The following KCNA2 variants were observed in gnomAD, a reference collection of about 807,000 sequenced individuals.
KCNA2 encodes potassium channel, voltage gated shaker related subfamily A, member 2.
A neutral mutation model predicts 33.4 loss-of-function variants in KCNA2; 11 were observed. The ratio of observed to expected loss-of-function variants is 0.33; its 90% confidence interval spans 0.21 to 0.55. The LOEUF is 0.55. Ranked by LOEUF, KCNA2 falls within the 20% of genes least tolerant of loss-of-function variation. The probability of loss-of-function intolerance (pLI) is 0.93; values close to 1 mark genes in which losing one functional copy is unlikely to be tolerated. For synonymous variants in KCNA2, 222 were observed against 231.3 expected (o/e 0.96, Z 0.37); for missense variants, 291 against 621.6 (o/e 0.47, Z 5.66).
intron 1 of KCNA2, among the ~76,000 whole-genome samples, chr1:110,616,626 T>G (rs898451635): frequency 1.3e-5 from 2 of 152,124 alleles, no homozygotes; most frequent in Non-Finnish European, 2.9e-5. Flanking sequence ...GAAGGATAAT[T>G]CCTAACAGAG....
In KCNA2 at chr1:110,598,825, T is replaced by C. The variant is rs186893471; in HGVS notation, c.*4458A>G. 1.1e-5 allele frequency: 11 copies of C among 985,316 alleles called. No individual in the cohort carries two copies. The South Asian group carries it at 2.3e-4, about 21-fold the overall frequency. 61.0% of individuals were successfully genotyped at this position (985,316 alleles called of 1,614,324 possible). A position where few individuals can be genotyped will look rare whatever the true frequency, so the allele number is the denominator to read the frequency against. ...AGAAAGCACAGAGCCTTAATTATTT[T>C]CTTAATTAAATGTTGGCTCCTAAAA... On this transcript the variant is annotated 3_prime_UTR_variant, in exon 3 of 3. Transcript: ENST00000316361.
At position 110,600,089 on chromosome 1, in the gene KCNA2, G is replaced by A. The variant is rs1226635310; in HGVS notation, c.*3194C>T. ...GAAAGAGATTCCTTGAAAGATCCTG[G>A]GGGATATAGACACAGGCCAGGCAAA... On this transcript the variant is annotated 3_prime_UTR_variant, in exon 3 of 3. Coordinates refer to ENST00000316361, the MANE Select transcript of KCNA2 (RefSeq NM_004974.4). The A allele has an allele frequency of 1.0e-6, 1 of 984,926 alleles. No homozygotes were observed. Among genetic ancestry groups the A allele is most frequent in the Non-Finnish European group, 1.2e-6 (1 of 829,868 alleles). The allele number at this position is 984,926 out of a possible 1,614,324, so 61.0% of individuals were successfully genotyped here. A position where few individuals can be genotyped will look rare whatever the true frequency, so the allele number is the denominator to read the frequency against.
In KCNA2 at chr1:110,601,426, T is replaced by C; in HGVS notation, c.*1857A>G. The C allele has an allele frequency of 1.0e-6, 1 of 985,358 alleles. No individual in the cohort carries two copies. The highest frequency in any genetic ancestry group is 1.2e-6 in the Non-Finnish European group (1 of 829,954). 61.0% of individuals were successfully genotyped at this position (985,358 alleles called of 1,614,324 possible). A position where few individuals can be genotyped will look rare whatever the true frequency, so the allele number is the denominator to read the frequency against. On this transcript the variant is annotated 3_prime_UTR_variant, in exon 3 of 3. Transcript: ENST00000316361. ...TGACGGATGCAGAGCCAAATGATAA[T>C]AAGATCCAAGTGGCAAGGGAAGAGG...
At chr1:110,610,446 G>T (rs1649827314), upstream of KCNA2, among the ~76,000 whole-genome samples, 1 of 152,200 alleles carries the variant, frequency 6.6e-6, no homozygotes, top group African/African-American at 2.4e-5. Context: ...TCACAGGTAG[G>T]CAGGGCAGGA....
intron 1 of KCNA2, among the ~76,000 whole-genome samples, chr1:110,630,037 C>T (rs111537466): frequency 0.087 from 9,276 of 106,344 alleles, 371 homozygotes; most frequent in Middle Eastern, 0.21. Context: ...TTTTTTGAGA[C>T]GGAGTTTTGC....
chr1:110,601,932 A>G lies in KCNA2; in HGVS notation c.*1351T>C. On this transcript the variant is annotated 3_prime_UTR_variant, in exon 3 of 3. Coordinates refer to ENST00000316361, the MANE Select transcript of KCNA2 (RefSeq NM_004974.4). ...TCAAAAATATTGCATAAGCTTGTACAATGTTCAAATGCAATTTCTTTTCTA... is the reference window on the plus strand; with the variant it reads ...TCAAAAATATTGCATAAGCTTGTACGATGTTCAAATGCAATTTCTTTTCTA... The G allele has an allele frequency of 6.7e-7, 1 of 1,487,992 alleles. No individual in the cohort carries two copies. The highest frequency in any genetic ancestry group is 2.2e-5 in the Admixed American group (1 of 45,060). 92.2% of individuals were successfully genotyped at this position (1,487,992 alleles called of 1,614,324 possible). A position where few individuals can be genotyped will look rare whatever the true frequency, so the allele number is the denominator to read the frequency against.
chr1:110,603,130 A>C lies in KCNA2; in HGVS notation c.*153T>G. Reference sequence around the variant, plus strand: ...GCCATGATAGATATTCTGTGTTCTAAATCAAAAGTCAAAAGATCAAAAGTC... The same window carrying C: ...GCCATGATAGATATTCTGTGTTCTACATCAAAAGTCAAAAGATCAAAAGTC... On this transcript the variant is annotated 3_prime_UTR_variant, in exon 3 of 3. Transcript: ENST00000316361. This position sits in a 1 kb window ranked among gnomAD's most constrained non-coding sequence, Gnocchi z 5.7. The C allele has an allele frequency of 6.9e-7, 1 of 1,440,692 alleles. No homozygotes were observed. Among genetic ancestry groups the C allele is most frequent in the Non-Finnish European group, 9.1e-7 (1 of 1,102,010 alleles). The allele number at this position is 1,440,692 out of a possible 1,614,324, so 89.2% of individuals were successfully genotyped here.
chr1:110,601,536 C>G lies in KCNA2; in HGVS notation c.*1747G>C, dbSNP rs1649343617. The G allele has an allele frequency of 1.0e-6, 1 of 986,498 alleles. No individual in the cohort carries two copies. The highest frequency in any genetic ancestry group is 1.7e-5 in the African/African-American group (1 of 57,278). The allele number at this position is 986,498 out of a possible 1,614,324, so 61.1% of individuals were successfully genotyped here. A position where few individuals can be genotyped will look rare whatever the true frequency, so the allele number is the denominator to read the frequency against. Reference sequence around the variant, plus strand: ...CCAGGACAGCTGGAACTGTGAGGGCCACAGGGCCCTTGTGCACTCAGTAAG... The same window carrying G: ...CCAGGACAGCTGGAACTGTGAGGGCGACAGGGCCCTTGTGCACTCAGTAAG... On this transcript the variant is annotated 3_prime_UTR_variant, in exon 3 of 3. Coordinates refer to ENST00000316361, the MANE Select transcript of KCNA2 (RefSeq NM_004974.4).
Position 110,603,190 on chromosome 1 carries a change from A to G in KCNA2, c.*93T>C. ...ACTATTGCTTTCCATGCAGAACCAG[A>G]TACACACTGTAGAACACACTGACTA... On this transcript the variant is annotated 3_prime_UTR_variant, in exon 3 of 3. Transcript: ENST00000316361. This position sits in a 1 kb window ranked among gnomAD's most constrained non-coding sequence, Gnocchi z 5.7. 1 of 1,513,512 alleles carries G rather than the reference A, an allele frequency of 6.6e-7. No individual in the cohort carries two copies. The highest frequency in any genetic ancestry group is 8.8e-7 in the Non-Finnish European group (1 of 1,134,768). The allele number at this position is 1,513,512 out of a possible 1,614,324, so 93.8% of individuals were successfully genotyped here.
rs1472806754 is a variant in KCNA2 at position 110,602,328 on chromosome 1, A to G, written c.*955T>C. ...TTCCAAGCCTATTAATACTCTAAAT[A>G]TTAACACTGTGTAGGCTACTAGGAA... On this transcript the variant is annotated 3_prime_UTR_variant, in exon 3 of 3. Coordinates refer to ENST00000316361, the MANE Select transcript of KCNA2 (RefSeq NM_004974.4). 6.9e-7 allele frequency: 1 copy of G among 1,439,102 alleles called. No homozygotes were observed. The highest frequency in any genetic ancestry group is 9.1e-7 in the Non-Finnish European group (1 of 1,102,492). 89.1% of individuals were successfully genotyped at this position (1,439,102 alleles called of 1,614,324 possible). A position where few individuals can be genotyped will look rare whatever the true frequency, so the allele number is the denominator to read the frequency against.
chr1:110,605,053 T>TCAC, intron 2 of KCNA2, 108 bp from the exon 3 acceptor site: 1 of 487,196 alleles, frequency 2.1e-6, no homozygotes, highest in South Asian at 3.4e-5. Context: ...AGACACATGA[T>TCAC]CACCACCACC....
In KCNA2 at chr1:110,599,943, A is replaced by G; in HGVS notation, c.*3340T>C. ...TGGTGGGAGGAAGGTGAATTGGTAG[A>G]GACCCCATGCAATTCCTGGTCTTAG... On this transcript the variant is annotated 3_prime_UTR_variant, in exon 3 of 3. Coordinates refer to ENST00000316361, the MANE Select transcript of KCNA2 (RefSeq NM_004974.4). 5.1e-6 allele frequency: 5 copies of G among 985,396 alleles called. No individual in the cohort carries two copies. The highest frequency in any genetic ancestry group is 6.0e-6 in the Non-Finnish European group (5 of 829,940). The allele number at this position is 985,396 out of a possible 1,614,324, so 61.0% of individuals were successfully genotyped here. A position where few individuals can be genotyped will look rare whatever the true frequency, so the allele number is the denominator to read the frequency against.
In KCNA2 at chr1:110,593,788, A is replaced by C; in HGVS notation, c.*9495T>G. On this transcript the variant is annotated 3_prime_UTR_variant, in exon 3 of 3. Coordinates refer to ENST00000316361, the MANE Select transcript of KCNA2 (RefSeq NM_004974.4). The stretch of plus-strand genomic sequence containing the variant: ...ACATATATGTATAACCTATGTACAA[A>C]TATCAGACCCTACTGACACAGGAAC... The C allele has an allele frequency of 7.1e-7, 1 of 1,412,426 alleles. No homozygotes were observed. Among genetic ancestry groups the C allele is most frequent in the Non-Finnish European group, 9.7e-7 (1 of 1,034,316 alleles). 87.5% of individuals were successfully genotyped at this position (1,412,426 alleles called of 1,614,324 possible).
intron 1 of KCNA2, among the ~76,000 whole-genome samples, chr1:110,624,644 C>A (rs2101466103): frequency 6.6e-6 from 1 of 152,294 alleles, no homozygotes; most frequent in South Asian, 2.1e-4. Context: ...TACACAATAA[C>A]AACAACTACT....
intron 1 of KCNA2, among the ~76,000 whole-genome samples, chr1:110,614,721 T>G (rs1391791989): frequency 6.6e-6 from 1 of 152,214 alleles, no homozygotes; most frequent in African/African-American, 2.4e-5. Context: ...CTTAAGCAGA[T>G]GAATGCATAT....
rs1360066050 is a variant in KCNA2 at position 110,598,500 on chromosome 1, G to C, written c.*4783C>G. 2.0e-6 allele frequency: 2 copies of C among 985,232 alleles called. No individual in the cohort carries two copies. Among genetic ancestry groups the C allele is most frequent in the African/African-American group, 3.5e-5 (2 of 57,192 alleles). The allele number at this position is 985,232 out of a possible 1,614,324, so 61.0% of individuals were successfully genotyped here. A position where few individuals can be genotyped will look rare whatever the true frequency, so the allele number is the denominator to read the frequency against. On this transcript the variant is annotated 3_prime_UTR_variant, in exon 3 of 3. Coordinates refer to ENST00000316361, the MANE Select transcript of KCNA2 (RefSeq NM_004974.4). ...CTCTCCACATGGGTTGATACTGATA[G>C]AGTCCTCACTATAATATAGTGAGAG...
Position 110,601,824 on chromosome 1 carries a change from GTGTGTA to G in KCNA2, c.*1453_*1458del. 1 of 1,330,152 alleles carries G rather than the reference GTGTGTA, an allele frequency of 7.5e-7. No homozygotes were observed. The highest frequency in any genetic ancestry group is 2.2e-5 in the South Asian group (1 of 44,808). 82.4% of individuals were successfully genotyped at this position (1,330,152 alleles called of 1,614,324 possible). ...TGTGTGTGTGTGTGTGTGTGTGTGT[GTGTGTA>G]TACATATACACACATATGTATGTAT... is the stretch of plus-strand genomic sequence containing the variant. On this transcript the variant is annotated 3_prime_UTR_variant, in exon 3 of 3. Coordinates refer to ENST00000316361, the MANE Select transcript of KCNA2 (RefSeq NM_004974.4).
At position 110,602,748 on chromosome 1, in the gene KCNA2, A is replaced by G; in HGVS notation, c.*535T>C. The G allele has an allele frequency of 1.0e-6, 1 of 992,160 alleles. No homozygotes were observed. The highest frequency in any genetic ancestry group is 1.2e-6 in the Non-Finnish European group (1 of 834,420). 61.5% of individuals were successfully genotyped at this position (992,160 alleles called of 1,614,324 possible). ...TCCAGAGCATCTACTTGGCAACTGC[A>G]ATTCACAAACTCCAGCCTGTGACAC... On this transcript the variant is annotated 3_prime_UTR_variant, in exon 3 of 3. Transcript: ENST00000316361.
intron 1 of KCNA2, among the ~76,000 whole-genome samples, chr1:110,621,071 C>T (rs12132073): frequency 0.54 from 82,846 of 152,082 alleles, 25,581 homozygotes; most frequent in Non-Finnish European, 0.7. Flanking sequence ...ATAACTGAAG[C>T]GCCTCCATAT....
Sources: gnomAD v4.1 joint callset for allele counts (sites outside exome capture counted in the v4.1 genomes callset) on GRCh38, gnomAD v4.1.1 for gene constraint, Gnocchi (gnomAD v3.1) non-coding constraint, MANE v1.5 for transcripts, NCBI Gene and HGNC (gene_info 2026-07-23, HGNC 2026-07-21) for gene names.